The following WDPCP variants were observed in gnomAD, a reference collection of about 807,000 sequenced individuals.
WDPCP encodes WD repeat-containing and planar cell polarity effector protein fritz homolog.
WDPCP carries 71 observed loss-of-function variants against 93.1 expected under a neutral mutation model. That is an observed-to-expected ratio of 0.76 (90% CI 0.63 to 0.93). The LOEUF is 0.93. Among genes scored for constraint, WDPCP ranks in the 40% least tolerant of loss-of-function variants. The pLI, the probability that WDPCP is intolerant of heterozygous loss-of-function variation, is 0.00. For synonymous variants in WDPCP, 315 were observed against 315.0 expected, an observed-to-expected ratio of 1.00 and a Z score of 0.00; for missense variants, 844 against 887.4, an observed-to-expected ratio of 0.95 and a Z score of 0.62.
At chr2:63,751,998 T>G (rs1669889956) in intron 2 of WDPCP, 2 of 630,256 alleles carry the variant, frequency 3.2e-6, no homozygotes, top group Non-Finnish European at 3.0e-6. Context: ...AGTTGTCATT[T>G]CCACTGAAAC....
chr2:63,776,074 TATACATAC>T lies in WDPCP; in HGVS notation n.308+37540_308+37547del, dbSNP rs59262674. Among the ~76,000 whole-genome samples, 1,086 of 146,892 alleles carry T rather than the reference TATACATAC, an allele frequency of 7.4e-3. 15 individuals are homozygous for T. Among genetic ancestry groups the T allele is most frequent in the African/African-American group, 0.019 (764 of 39,810 alleles). On this transcript the variant is annotated intron_variant and non_coding_transcript_variant, in intron 2 of 4. Coordinates refer to the WDPCP transcript ENST00000467687. ...GTGAGACTCTGCCTATAAATACACA[TATACATAC>T]ATACATACATACATACATACATACA... is the stretch of plus-strand genomic sequence containing the variant.
intron 2 of WDPCP, among the ~76,000 whole-genome samples, chr2:63,671,390 C>T (rs1286275430): frequency 6.6e-6 from 1 of 152,202 alleles, no homozygotes; most frequent in Non-Finnish European, 1.5e-5. Context: ...AACAGCCTAA[C>T]TGAAGTTTTC....
intron 2 of WDPCP, among the ~76,000 whole-genome samples, chr2:63,776,419 C>T (rs1670303376): frequency 6.6e-6 from 1 of 152,034 alleles, no homozygotes; most frequent in East Asian, 1.9e-4. Context: ...CTTTGGGAGG[C>T]TAAGGTAGGC....
intron 1 of WDPCP, among the ~76,000 whole-genome samples, chr2:63,509,828 T>G (rs1702112179): frequency 6.6e-6 from 1 of 152,108 alleles, no homozygotes; most frequent in Non-Finnish European, 1.5e-5. Context: ...CTAGAAAATC[T>G]AGAAGAAATG....
chr2:63,839,490 G>T, the WDPCP span, among the ~76,000 whole-genome samples: 3 of 152,216 alleles, frequency 2.0e-5, no homozygotes, highest in Non-Finnish European at 4.4e-5. Context: ...CCCGGGAGGC[G>T]GAGGTTGCAG....
rs1455098597 is a variant in WDPCP, at chr2:63,404,534, A to T, written c.949T>A (p.Cys317Ser). The T allele has an allele frequency of 1.2e-6, 2 of 1,613,654 alleles. No homozygotes were observed. The highest frequency in any genetic ancestry group is 1.7e-6 in the Non-Finnish European group (2 of 1,179,652). The part of the protein sequence containing the change: ...SVDKEPMADS[C>S]IYECIRNKIQ... ...TTATTCCGAATGCATTCATAGATGCAGCTGTCAGCCATGGGCTCTTTGTCT... is the reference window on the plus strand; with the variant it reads ...TTATTCCGAATGCATTCATAGATGCTGCTGTCAGCCATGGGCTCTTTGTCT... The change falls in exon 10 of 18, where the codon TGC becomes AGC. Residue 317 changes from cysteine (C) to serine (S), a missense_variant. Coordinates refer to ENST00000272321, the MANE Select transcript of WDPCP (RefSeq NM_015910.7).
chr2:63,515,850 T>A (rs1702516353), intron 1 of WDPCP, among the ~76,000 whole-genome samples: 1 of 152,038 alleles, frequency 6.6e-6, no homozygotes, highest in Admixed American at 6.6e-5. Flanking sequence ...TGAAACCTCA[T>A]CTCTACTAAA....
chr2:63,450,241 T>A lies in WDPCP; in HGVS notation c.385-10370A>T, dbSNP rs529699120. Among the ~76,000 whole-genome samples, 14 of 151,934 alleles carry A rather than the reference T, an allele frequency of 9.2e-5. No individual in the cohort carries two copies. In the East Asian group the frequency reaches 9.7e-4, roughly 11 times the overall value. On this transcript the variant is annotated intron_variant, in intron 6 of 17. Transcript: ENST00000272321. ...TCTGGGGCTATGAGTGGTGACTGAGTCCCCAACAGTGGAATGGCCTCCATG... is the reference window on the plus strand; with the variant it reads ...TCTGGGGCTATGAGTGGTGACTGAGACCCCAACAGTGGAATGGCCTCCATG...
At chr2:63,163,516 G>A (rs1672770585) in intron 15 of WDPCP, among the ~76,000 whole-genome samples, 1 of 152,126 alleles carries the variant, frequency 6.6e-6, no homozygotes, top group African/African-American at 2.4e-5. Flanking sequence ...CACTGGAAAT[G>A]CTTAGTATAT....
chr2:63,353,612 G>A (rs991780858), intron 12 of WDPCP, among the ~76,000 whole-genome samples: 4 of 152,136 alleles, frequency 2.6e-5, no homozygotes, highest in Non-Finnish European at 4.4e-5. Flanking sequence ...CTACCAAAAC[G>A]TGGCCAGGGT....
chr2:63,290,449 T>C (rs1197700797), intron 13 of WDPCP, among the ~76,000 whole-genome samples: 1 of 149,030 alleles, frequency 6.7e-6, no homozygotes, highest in East Asian at 2.0e-4. Flanking sequence ...AATAATTATA[T>C]ACTAAAGAAA....
chr2:63,580,039 T>C (rs954912123), intron 1 of WDPCP, among the ~76,000 whole-genome samples: 1 of 152,138 alleles, frequency 6.6e-6, no homozygotes, highest in South Asian at 2.1e-4. Flanking sequence ...TGCCATGAGA[T>C]GACCCTCACC....
At chr2:63,556,281 G>A (rs1706115689) in intron 1 of WDPCP, among the ~76,000 whole-genome samples, 1 of 152,094 alleles carries the variant, frequency 6.6e-6, no homozygotes, top group Admixed American at 6.5e-5. Context: ...AAATAAGAAA[G>A]GCAGACAAGA....
intron 14 of WDPCP, among the ~76,000 whole-genome samples, chr2:63,204,880 C>G (rs1676214201): frequency 6.6e-6 from 1 of 152,012 alleles, no homozygotes; most frequent in African/African-American, 2.4e-5. Context: ...TCCATTTTTG[C>G]TTTAGTTACC....
At chr2:63,655,461 T>C (rs1710157183) in intron 2 of WDPCP, among the ~76,000 whole-genome samples, 1 of 152,102 alleles carries the variant, frequency 6.6e-6, no homozygotes, top group South Asian at 2.1e-4. Context: ...CTATACACTC[T>C]TCTATAATTT....
intron 13 of WDPCP, among the ~76,000 whole-genome samples, chr2:63,306,846 C>G (rs1685782584): frequency 6.6e-6 from 1 of 152,180 alleles, no homozygotes; most frequent in Non-Finnish European, 1.5e-5. Context: ...CAGGGATGCC[C>G]TCTCTCAGCA....
intron 9 of WDPCP, 79 bp from the exon 10 acceptor site, chr2:63,404,736 C>T: frequency 6.4e-7 from 1 of 1,559,730 alleles, no homozygotes; most frequent in South Asian, 1.1e-5. Flanking sequence ...CATATTTATT[C>T]AGAAACCTAT....
At chr2:63,533,959 T>G (rs1196200054) in intron 1 of WDPCP, among the ~76,000 whole-genome samples, 3 of 151,690 alleles carry the variant, frequency 2.0e-5, no homozygotes, top group Non-Finnish European at 4.4e-5. Flanking sequence ...ACAGATAGAC[T>G]GCTAGCAAGA....
At chr2:63,777,873 G>A (rs181083584) in intron 2 of WDPCP, among the ~76,000 whole-genome samples, 7 of 152,202 alleles carry the variant, frequency 4.6e-5, no homozygotes, top group Admixed American at 4.6e-4. Flanking sequence ...GGGTATATAT[G>A]CATGTCTAAC....
Sources: allele counts gnomAD v4.1 joint callset (sites outside exome capture counted in the v4.1 genomes callset), GRCh38; gene constraint gnomAD v4.1.1; transcripts MANE v1.5; gene names NCBI Gene and HGNC (gene_info 2026-07-23, HGNC 2026-07-21).